Variants in NYAP2 observed in about 807,000 individuals in gnomAD.
The protein encoded by NYAP2 is neuronal tyrosine-phosphorylated phosphoinositide-3-kinase adaptor 2, also known as neuronal tyrosine-phosphorylated phosphoinositide-3-kinase adapter 2.
NYAP2 carries 23 observed loss-of-function variants against 50.4 expected under a neutral mutation model. The observed-to-expected ratio is 0.46, with a 90% CI of 0.33 to 0.65. NYAP2 has a LOEUF of 0.65. NYAP2 is among the 30% of genes least tolerant of loss of function. The pLI is 0.02. For synonymous variants in NYAP2, 394 were observed against 365.2 expected (o/e 1.08, Z -0.90); for missense variants, 885 against 861.0 (o/e 1.03, Z -0.35).
chr2:225,650,824 C>T (rs768869375), intron 6 of NYAP2, among the ~76,000 whole-genome samples: 2 of 152,196 alleles, frequency 1.3e-5, no homozygotes, highest in African/African-American at 2.4e-5. Flanking sequence ...TCTAAAGCAT[C>T]CTGTCAGTGG....
At chr2:225,624,182 T>C (rs1252455647) in intron 5 of NYAP2, among the ~76,000 whole-genome samples, 1 of 152,242 alleles carries the variant, frequency 6.6e-6, no homozygotes, top group Admixed American at 6.5e-5. Context: ...TCTGAGCCTT[T>C]ACTTGTTCAG....
chr2:225,582,693 C>T lies in NYAP2; in HGVS notation c.1276C>T (p.Pro426Ser). The T allele has an allele frequency of 6.2e-7, 1 of 1,605,640 alleles. No individual in the cohort carries two copies. The highest frequency in any genetic ancestry group is 1.3e-5 in the African/African-American group (1 of 74,842). ...GTCTACGCTGTACCGAACCCAGTCT[C>T]CCCATGGCTACCCTAAAAGTCACTC... The change falls in exon 5 of 7, where the codon CCC becomes TCC. Residue 426 changes from proline to serine, a missense_variant. Physicochemically the swap from Pro to Ser is moderately conservative, Grantham distance 74 (BLOSUM62 -1). Coordinates refer to ENST00000636099, the Ensembl canonical transcript of NYAP2. This position sits in a 1 kb window ranked among gnomAD's most constrained non-coding sequence, Gnocchi z 7.0.
intron 5 of NYAP2, among the ~76,000 whole-genome samples, chr2:225,609,604 G>A (rs1417737296): frequency 6.6e-6 from 1 of 152,064 alleles, no homozygotes. Context: ...ACAGGCTCTT[G>A]GCTTCATGGA....
chr2:225,622,407 C>G (rs1354020691), intron 5 of NYAP2, among the ~76,000 whole-genome samples: 1 of 152,024 alleles, frequency 6.6e-6, no homozygotes, highest in African/African-American at 2.4e-5. Flanking sequence ...CTCTTCCTGC[C>G]CCCAGCTAGA....
chr2:225,672,237 C>T, the NYAP2 span, among the ~76,000 whole-genome samples: 1 of 152,096 alleles, frequency 6.6e-6, no homozygotes, highest in Admixed American at 6.6e-5. Flanking sequence ...TTTAGTATAG[C>T]CACCTTCATC....
chr2:225,664,820 G>A, the NYAP2 span, among the ~76,000 whole-genome samples: 1 of 152,106 alleles, frequency 6.6e-6, no homozygotes, highest in Non-Finnish European at 1.5e-5. Flanking sequence ...AGCTTGCAGT[G>A]AGCTATCACG....
intron 4 of NYAP2, among the ~76,000 whole-genome samples, chr2:225,580,766 TAA>T (rs895245214): frequency 6.3e-5 from 9 of 143,190 alleles, no homozygotes; most frequent in African/African-American, 1.5e-4. Flanking sequence ...TTAGGCCAGT[TAA>T]AAAAAAAAAA....
At chr2:225,698,756 T>C in the NYAP2 span, 1 of 151,922 alleles carries the variant, frequency 6.6e-6, no homozygotes, top group Non-Finnish European at 1.5e-5. Flanking sequence ...CCAGAAGATA[T>C]TAAAATGTAA....
chr2:225,421,714 G>A (rs1243824144), intron 3 of NYAP2, among the ~76,000 whole-genome samples: 2 of 152,212 alleles, frequency 1.3e-5, no homozygotes, highest in South Asian at 2.1e-4. Flanking sequence ...CCGGCCTAGT[G>A]GCCTCTGGAT....
intron 5 of NYAP2, among the ~76,000 whole-genome samples, chr2:225,608,938 T>C (rs926125052): frequency 6.6e-6 from 1 of 152,130 alleles, no homozygotes; most frequent in Non-Finnish European, 1.5e-5. Flanking sequence ...AACTTCTCTT[T>C]GTGTCTTCTC....
At chr2:225,549,977 T>A (rs1348220502) in intron 4 of NYAP2, among the ~76,000 whole-genome samples, 1 of 150,696 alleles carries the variant, frequency 6.6e-6, no homozygotes, top group Non-Finnish European at 1.5e-5. Flanking sequence ...AGAGTGAGAC[T>A]CTGTCTCAAA....
intron 3 of NYAP2, among the ~76,000 whole-genome samples, chr2:225,490,357 A>G (rs1323063242): frequency 1.3e-5 from 2 of 152,196 alleles, no homozygotes; most frequent in Admixed American, 1.3e-4. Context: ...GCAGCAACAC[A>G]TGAGACTCAT....
At chr2:225,421,660 C>T (rs1431138303) in intron 3 of NYAP2, among the ~76,000 whole-genome samples, 1 of 152,220 alleles carries the variant, frequency 6.6e-6, no homozygotes, top group Non-Finnish European at 1.5e-5. Context: ...ATGTCACCTT[C>T]TGGTGTTCTA....
At chr2:225,560,008 G>A (rs1691844936) in intron 4 of NYAP2, among the ~76,000 whole-genome samples, 1 of 151,834 alleles carries the variant, frequency 6.6e-6, no homozygotes, top group African/African-American at 2.4e-5. Context: ...TATTATAGTT[G>A]CTTATTTTAA....
At chr2:225,645,284 C>T (rs1194886786) in intron 6 of NYAP2, among the ~76,000 whole-genome samples, 1 of 150,964 alleles carries the variant, frequency 6.6e-6, no homozygotes, top group Non-Finnish European at 1.5e-5. Context: ...TAATAAATTA[C>T]ATAGTCCTAC....
chr2:225,498,831 T>C (rs1389864821), intron 3 of NYAP2, among the ~76,000 whole-genome samples: 2 of 152,176 alleles, frequency 1.3e-5, no homozygotes, highest in Admixed American at 1.3e-4. Context: ...GAATGATGCT[T>C]TGAAGACAAA....
At chr2:225,670,052 C>T in the NYAP2 span, among the ~76,000 whole-genome samples, 2 of 152,164 alleles carry the variant, frequency 1.3e-5, no homozygotes, top group Non-Finnish European at 2.9e-5. Flanking sequence ...ACACTTTCTG[C>T]TCCAAACAGA....
chr2:225,513,452 T>C, exon 4 of NYAP2: 3 of 1,613,990 alleles, frequency 1.9e-6, no homozygotes, highest in Non-Finnish European at 2.5e-6. Flanking sequence ...CAATGCCTGC[T>C]CCTCAGGACA....
chr2:225,516,001 C>T (rs1425307324), intron 4 of NYAP2, among the ~76,000 whole-genome samples: 4 of 152,080 alleles, frequency 2.6e-5, no homozygotes, highest in African/African-American at 4.8e-5. Context: ...TTCTAGAAAG[C>T]GTGTAAAATA....
Sources: allele counts gnomAD v4.1 joint callset (sites outside exome capture counted in the v4.1 genomes callset), GRCh38; gene constraint gnomAD v4.1.1; non-coding constraint Gnocchi (gnomAD v3.1); transcripts MANE v1.5; gene names NCBI Gene and HGNC (gene_info 2026-07-23, HGNC 2026-07-21).